PER3: variants seen among roughly 807,000 people sequenced by gnomAD.
PER3 encodes period circadian regulator 3, also known as period circadian protein homolog 3.
In PER3, 107 loss-of-function variants were observed where a neutral mutation model predicts 127.2. That is an observed-to-expected ratio of 0.84 (90% CI 0.72 to 0.99). The LOEUF (loss-of-function observed/expected upper bound fraction) is 0.99, where lower values mean the gene tolerates loss of function less well. PER3 is among the 50% of genes least tolerant of loss of function. The pLI is 0.00. For missense variants in PER3, 1,560 were observed against 1,525.8 expected (o/e 1.02, Z -0.37); for synonymous variants, 618 against 585.8 (o/e 1.05, Z -0.79).
At chr1:7,833,343 GTTA>G (rs1304389904) in intron 19 of PER3, among the ~76,000 whole-genome samples, 1 of 152,114 alleles carries the variant, frequency 6.6e-6, no homozygotes, top group Non-Finnish European at 1.5e-5. Flanking sequence ...TGTTTTATAA[GTTA>G]TTATGATATG....
Position 7,788,231 on chromosome 1 carries a change from A to G in PER3, c.577A>G (p.Asn193Asp). Residue 193 changes from asparagine to aspartate, a missense_variant, in exon 5 of 22, where the codon AAC (asparagine) becomes GAC (aspartate). This residue lies in a region of PER3 where 1,332 missense variants were observed against 1,223.6 expected (regional missense o/e 1.09). Transcript: ENST00000377532. ...CAGAGCTCAGCTTCCTTTCTGGAACAACTGGACCCAAAGAGGTAACAGGAC... is the reference window on the plus strand; with the variant it reads ...CAGAGCTCAGCTTCCTTTCTGGAACGACTGGACCCAAAGAGGTAACAGGAC... ...TARAQLPFWNNWTQRAAARYE... is the reference protein window; with the variant it reads ...TARAQLPFWNDWTQRAAARYE... The G allele has an allele frequency of 6.2e-7, 1 of 1,613,278 alleles. No homozygotes were observed. Among genetic ancestry groups the G allele is most frequent in the South Asian group, 1.1e-5 (1 of 91,070 alleles).
rs919555730 is a variant in PER3, at chr1:7,810,442, C to T, written c.1376C>T (p.Thr459Ile). 3.1e-6 allele frequency: 5 copies of T among 1,594,342 alleles called. No individual in the cohort carries two copies. The highest frequency in any genetic ancestry group is 4.3e-6 in the Non-Finnish European group (5 of 1,170,862). Residue 459 changes from threonine to isoleucine, a missense_variant, in exon 13 of 22, where the codon ACC becomes ATC. Physicochemically the swap from Thr to Ile is moderately conservative, Grantham distance 89 (BLOSUM62 -1). Coordinates refer to ENST00000377532, the MANE Select transcript of PER3 (RefSeq NM_001377275.1). Reference sequence around the variant, plus strand: ...TTTATCATTCCTTTCCCTAAGATGACCTTGCAGCAGGTCTATGCCAGTGTG... The same window carrying T: ...TTTATCATTCCTTTCCCTAAGATGATCTTGCAGCAGGTCTATGCCAGTGTG... The part of the protein sequence containing the change: ...RVEETKAEQM[T>I]LQQVYASVNK...
Position 7,820,660 on chromosome 1 carries a change from CTT to C in PER3, c.1957+22_1957+23del. The C allele has an allele frequency of 1.3e-6, 2 of 1,575,040 alleles. No individual in the cohort carries two copies. The highest frequency in any genetic ancestry group is 1.7e-6 in the Non-Finnish European group (2 of 1,157,778). ...AGACAGGTACCACACTCGCCTCTTA[CTT>C]TGAAAATATACTCAACTTTAACTAC... On this transcript the variant is annotated intron_variant, in intron 16 of 21. Coordinates refer to ENST00000377532, the MANE Select transcript of PER3 (RefSeq NM_001377275.1).
In PER3 at chr1:7,790,052, C is replaced by A. The variant is rs1022167686; in HGVS notation, c.592+1806C>A. ...CAGATACAGCTGTGAACAGGACATA[C>A]ACAATATTGTCTGCCAGGTCTTTCC... is the stretch of plus-strand genomic sequence containing the variant. On this transcript the variant is annotated intron_variant, in intron 5 of 21. Transcript: ENST00000377532. Among the ~76,000 whole-genome samples the A allele has an allele frequency of 3.9e-5, 6 of 152,340 alleles. No homozygotes were observed. In the South Asian group the frequency reaches 1.0e-3, roughly 26 times the overall value.
chr1:7,835,397 A>G (rs2151262147), intron 19 of PER3, among the ~76,000 whole-genome samples: 1 of 152,342 alleles, frequency 6.6e-6, no homozygotes, highest in African/African-American at 2.4e-5. Context: ...TGAATGATGA[A>G]CTGAGGACTC....
intron 5 of PER3, 117 bp from the exon 6 acceptor site, chr1:7,793,840 C>G: frequency 1.2e-6 from 1 of 850,702 alleles, no homozygotes; most frequent in Non-Finnish European, 2.0e-6. Flanking sequence ...CTATTTTAAT[C>G]AAGGAGACCT....
chr1:7,796,056 C>A (rs566209929), intron 6 of PER3, among the ~76,000 whole-genome samples: 20 of 152,128 alleles, frequency 1.3e-4, no homozygotes, highest in Non-Finnish European at 2.6e-4. Flanking sequence ...TTGGGTTGGC[C>A]CCTGTACCCT....
chr1:7,793,758 A>G (rs944514530), intron 5 of PER3, among the ~76,000 whole-genome samples, 199 bp from the exon 6 acceptor site: 1 of 152,106 alleles, frequency 6.6e-6, no homozygotes, highest in Non-Finnish European at 1.5e-5. Flanking sequence ...TCACGGTTCC[A>G]GTACCAAAAC....
rs61141023 is a variant in PER3 at position 7,806,812 on chromosome 1, A to AAAATATAT, written c.1137-2080_1137-2079insAATATATA. 5.1e-4 allele frequency among the ~76,000 whole-genome samples: 31 copies of AAAATATAT among 60,630 alleles called. 1 individual carries two copies. The highest frequency in any genetic ancestry group is 1.8e-3 in the African/African-American group (27 of 14,666). The allele number at this position is 60,630 out of a possible 152,430, so 39.8% of individuals were successfully genotyped here. On this transcript the variant is annotated intron_variant, in intron 10 of 21. Transcript: ENST00000377532. ...CTGTCTCTTAAAAAAAAAAAAAAAA[A>AAAATATAT]ATATATATATATATATATATATATT...
Position 7,845,132 on chromosome 1 carries a change from T to C in PER3, c.*2377T>C, listed in dbSNP as rs1336433918. ...ATTAGTAATATTTCAGTTGGGTATC[T>C]TTTTAAGTAAAAACAACAAATAAAC... On this transcript the variant is annotated 3_prime_UTR_variant, in exon 22 of 22. Transcript: ENST00000377532. 1 of 152,372 alleles carries C rather than the reference T, an allele frequency of 6.6e-6. No individual in the cohort carries two copies. Among genetic ancestry groups the C allele is most frequent in the Non-Finnish European group, 1.5e-5 (1 of 68,050 alleles). The allele number at this position is 152,372 out of a possible 1,614,324, so 9.4% of individuals were successfully genotyped here.
At chr1:7,824,573 T>C (rs4345826) in intron 16 of PER3, among the ~76,000 whole-genome samples, 3,502 of 152,292 alleles carry the variant, frequency 0.023, 151 homozygotes, top group African/African-American at 0.079. Flanking sequence ...GGTGATTCTT[T>C]CTAATTGGAT....
chr1:7,813,498 C>T (rs2097231021), intron 13 of PER3, among the ~76,000 whole-genome samples: 2 of 152,154 alleles, frequency 1.3e-5, no homozygotes, highest in Admixed American at 6.5e-5. Context: ...CACCGACAGC[C>T]TGAGTCAAGT....
intron 7 of PER3, 125 bp from the exon 8 acceptor site, chr1:7,800,988 C>A: frequency 3.0e-6 from 2 of 676,966 alleles, no homozygotes; most frequent in Non-Finnish European, 2.6e-6. Context: ...AAGGCCAGGC[C>A]CCTAAATGAG....
intron 13 of PER3, among the ~76,000 whole-genome samples, chr1:7,813,617 C>T (rs1355155400): frequency 6.6e-6 from 1 of 152,178 alleles, no homozygotes; most frequent in South Asian, 2.1e-4. Context: ...CCAAACCAGC[C>T]ACCAGCTGAG....
In PER3 at chr1:7,827,392, A is replaced by G; in HGVS notation, c.2463A>G (p.Glu821=). The change falls in exon 18 of 22, where the codon GAA becomes GAG. Residue 821 remains glutamate, a synonymous_variant. Transcript: ENST00000377532. ...CAGCCGCGACCTCACCCGGAAGAGA[A>G]TACGCAGCCCCCGGAACTGCACCGG... ...PLPAATSPGR[E]YAAPGTAPEG... 6.2e-7 allele frequency: 1 copy of G among 1,614,108 alleles called. No homozygotes were observed. Among genetic ancestry groups the G allele is most frequent in the East Asian group, 2.2e-5 (1 of 44,870 alleles).
chr1:7,818,320 A>G (rs1266580575), intron 13 of PER3, among the ~76,000 whole-genome samples: 2 of 152,234 alleles, frequency 1.3e-5, no homozygotes, highest in East Asian at 3.8e-4. Flanking sequence ...AATTATTTCA[A>G]AATTAAAAGT....
chr1:7,843,782 A>T lies in PER3; in HGVS notation c.*1027A>T. 1 of 427,170 alleles carries T rather than the reference A, an allele frequency of 2.3e-6. No individual in the cohort carries two copies. Among genetic ancestry groups the T allele is most frequent in the Non-Finnish European group, 3.4e-6 (1 of 291,364 alleles). The allele number at this position is 427,170 out of a possible 1,614,324, so 26.5% of individuals were successfully genotyped here. A position where few individuals can be genotyped will look rare whatever the true frequency, so the allele number is the denominator to read the frequency against. On this transcript the variant is annotated 3_prime_UTR_variant, in exon 22 of 22. Coordinates refer to ENST00000377532, the MANE Select transcript of PER3 (RefSeq NM_001377275.1). ...CAGGCGAGCCCAGTTGTCCTCGCCC[A>T]CAGGGTCCTGCAGGCTCCATCAGTC...
rs765023682 is a variant in PER3, at chr1:7,827,612, A to G, written c.2683A>G (p.Met895Val). ...GATATCACCCTCAATGTCGTCAGCA[A>G]TGAGTCCAACTCTGGACCCACCCCC... The part of the protein sequence containing the change: ...SAISPSMSSA[M>V]SPTLDPPPSV... Residue 895 changes from methionine to valine, a missense_variant, in exon 18 of 22, where the codon ATG becomes GTG. Physicochemically the swap from Met to Val is conservative, Grantham distance 21. Transcript: ENST00000377532. 5 of 1,614,056 alleles carry G rather than the reference A, an allele frequency of 3.1e-6. No individual in the cohort carries two copies. The highest frequency in any genetic ancestry group is 2.7e-5 in the African/African-American group (2 of 74,930).
At chr1:7,798,952 C>T (rs1354536070) in intron 7 of PER3, among the ~76,000 whole-genome samples, 1 of 152,062 alleles carries the variant, frequency 6.6e-6, no homozygotes, top group Non-Finnish European at 1.5e-5. Flanking sequence ...TGCTGGTGAC[C>T]CATTCAGTGT....
Sources: allele counts gnomAD v4.1 joint callset (sites outside exome capture counted in the v4.1 genomes callset), GRCh38; gene constraint gnomAD v4.1.1; regional missense constraint gnomAD v4.1.1; transcripts MANE v1.5; gene names NCBI Gene and HGNC (gene_info 2026-07-23, HGNC 2026-07-21).